SPATA16: variants seen among roughly 807,000 people sequenced by gnomAD.
SPATA16 encodes spermatogenesis associated 16, also known as spermatogenesis-associated protein 16.
Under a neutral mutation model 63.3 loss-of-function variants are expected in SPATA16, and 36 were observed. The observed-to-expected ratio is 0.57, with a 90% CI of 0.44 to 0.75. The LOEUF (loss-of-function observed/expected upper bound fraction) is 0.75, where lower values mean the gene tolerates loss of function less well. Ranked by LOEUF, SPATA16 falls within the 30% of genes least tolerant of loss-of-function variation. The pLI is 0.00. For synonymous variants in SPATA16, 203 were observed against 216.7 expected, an observed-to-expected ratio of 0.94 and a Z score of 0.56; for missense variants, 646 against 679.3, an observed-to-expected ratio of 0.95 and a Z score of 0.54.
intron 4 of SPATA16, among the ~76,000 whole-genome samples, chr3:172,989,044 CT>C (rs1344647548): frequency 6.6e-6 from 1 of 152,194 alleles, no homozygotes; most frequent in Non-Finnish European, 1.5e-5. Context: ...GCTTTCAGCA[CT>C]TTTCTAGACC....
At chr3:173,069,930 T>C (rs1736625432) in intron 2 of SPATA16, among the ~76,000 whole-genome samples, 1 of 149,998 alleles carries the variant, frequency 6.7e-6, no homozygotes, top group Non-Finnish European at 1.5e-5. Context: ...TTGATAAAAT[T>C]CAACATTCCC....
intron 4 of SPATA16, among the ~76,000 whole-genome samples, chr3:173,012,887 C>T (rs565435694): frequency 1.3e-5 from 2 of 152,192 alleles, no homozygotes; most frequent in South Asian, 4.2e-4. Flanking sequence ...GAGTTTATGG[C>T]AGTGTCCTCA....
At chr3:173,140,016 A>C (rs1738665831) in intron 1 of SPATA16, among the ~76,000 whole-genome samples, 1 of 151,628 alleles carries the variant, frequency 6.6e-6, no homozygotes, top group South Asian at 2.1e-4. Flanking sequence ...AAACAAACAA[A>C]CAAACTCCTG....
At chr3:173,004,226 G>T (rs1734889915) in intron 4 of SPATA16, among the ~76,000 whole-genome samples, 1 of 152,072 alleles carries the variant, frequency 6.6e-6, no homozygotes, top group Non-Finnish European at 1.5e-5. Flanking sequence ...CCTGATCTTT[G>T]TCAGTGTTAC....
intron 6 of SPATA16, among the ~76,000 whole-genome samples, chr3:172,952,035 C>G (rs1382696710): frequency 2.0e-5 from 3 of 152,076 alleles, no homozygotes; most frequent in Admixed American, 1.3e-4. Context: ...TGTATTTTAT[C>G]TCTTGGAGCA....
chr3:172,994,075 G>A (rs1360263886), intron 4 of SPATA16, among the ~76,000 whole-genome samples: 2 of 152,032 alleles, frequency 1.3e-5, no homozygotes, highest in Non-Finnish European at 2.9e-5. Context: ...TTTTATAAAG[G>A]TCTGGAATAA....
At position 172,916,451 on chromosome 3, in the gene SPATA16, C is replaced by T. The variant is rs772855583; in HGVS notation, c.1369G>A (p.Glu457Lys). 1 of 1,613,786 alleles carries T rather than the reference C, an allele frequency of 6.2e-7. No individual in the cohort carries two copies. The highest frequency in any genetic ancestry group is 1.7e-5 in the Admixed American group (1 of 60,006). The change falls in exon 9 of 11, where the codon GAG becomes AAG. Residue 457 changes from glutamate (E) to lysine (K), a missense_variant. Physicochemically the swap from Glu to Lys is moderately conservative, Grantham distance 56 (BLOSUM62 1). Transcript: ENST00000351008. ...GSFPASSGVM[E>K]KLQYASLLSQ... is the part of the protein sequence containing the mutation. ...AGGAGGCTGGCATATTGCAACTTCT[C>T]CATCACACCTGAGGATGCAGGAAAA...
At chr3:173,040,903 T>C (rs902827350) in intron 3 of SPATA16, among the ~76,000 whole-genome samples, 2 of 152,086 alleles carry the variant, frequency 1.3e-5, no homozygotes, top group African/African-American at 2.4e-5. Context: ...TATTTCTTAA[T>C]GTAGTCAACT....
chr3:173,049,177 TA>T, intron 2 of SPATA16, 83 bp from the exon 3 acceptor site: 1 of 1,449,796 alleles, frequency 6.9e-7, no homozygotes, highest in African/African-American at 1.4e-5. Context: ...GTGTATGTTT[TA>T]TTTATATATG....
intron 2 of SPATA16, among the ~76,000 whole-genome samples, chr3:173,065,803 T>C (rs908861971): frequency 1.3e-5 from 2 of 152,186 alleles, no homozygotes; most frequent in African/African-American, 4.8e-5. Context: ...AGATCAGCCC[T>C]GGGCCAGAGG....
At chr3:173,101,549 T>G (rs1313880576) in intron 2 of SPATA16, among the ~76,000 whole-genome samples, 1 of 152,144 alleles carries the variant, frequency 6.6e-6, no homozygotes, top group Non-Finnish European at 1.5e-5. Flanking sequence ...CTACCAGACT[T>G]CCAATTATTT....
chr3:173,032,064 TAAC>T (rs1444399365), intron 3 of SPATA16, among the ~76,000 whole-genome samples: 2 of 151,990 alleles, frequency 1.3e-5, no homozygotes, highest in Non-Finnish European at 2.9e-5. Flanking sequence ...TTCAGGGAAA[TAAC>T]AACAAGAAAT....
intron 6 of SPATA16, among the ~76,000 whole-genome samples, chr3:172,940,389 T>C (rs542031659): frequency 3.3e-5 from 5 of 152,254 alleles, no homozygotes; most frequent in Admixed American, 6.5e-5. Flanking sequence ...ATCCAGTTGG[T>C]TTTGGAGAAT....
chr3:172,892,179 C>T (rs1210443742), intron 10 of SPATA16, among the ~76,000 whole-genome samples: 1 of 152,076 alleles, frequency 6.6e-6, no homozygotes, highest in Non-Finnish European at 1.5e-5. Context: ...ATTCTTTTAC[C>T]ATTGTTTAGC....
In SPATA16 at chr3:173,062,593, A is replaced by G. The variant is rs563309859; in HGVS notation, c.613-13499T>C. 1.2e-4 allele frequency among the ~76,000 whole-genome samples: 19 copies of G among 152,302 alleles called. No individual in the cohort carries two copies. In the South Asian group the frequency reaches 2.9e-3, roughly 23 times the overall value. Reference sequence around the variant, plus strand: ...ATAAGACTGACTAACTTTTCAGACAATAAGTGTTAGAGCTATGATTGAAAT... The same window carrying G: ...ATAAGACTGACTAACTTTTCAGACAGTAAGTGTTAGAGCTATGATTGAAAT... On this transcript the variant is annotated intron_variant, in intron 2 of 10. Coordinates refer to ENST00000351008, the MANE Select transcript of SPATA16 (RefSeq NM_031955.6).
At chr3:173,100,955 AT>A (rs1200835012) in intron 2 of SPATA16, among the ~76,000 whole-genome samples, 2 of 152,188 alleles carry the variant, frequency 1.3e-5, no homozygotes, top group African/African-American at 4.8e-5. Flanking sequence ...TACAAAAGCA[AT>A]TTATCTTCAT....
intron 3 of SPATA16, among the ~76,000 whole-genome samples, chr3:173,026,659 G>A (rs1185566792): frequency 1.3e-5 from 2 of 151,796 alleles, no homozygotes; most frequent in East Asian, 1.9e-4. Context: ...AATTTTCCCG[G>A]CACTACTCAT....
chr3:173,101,783 C>G (rs1318889723), intron 2 of SPATA16, among the ~76,000 whole-genome samples: 1 of 152,088 alleles, frequency 6.6e-6, no homozygotes, highest in Admixed American at 6.6e-5. Context: ...TACTCCTGGA[C>G]CAAACCTCTA....
chr3:173,005,094 G>A (rs573005295), intron 4 of SPATA16, among the ~76,000 whole-genome samples: 45 of 152,160 alleles, frequency 3.0e-4, no homozygotes, highest in African/African-American at 9.4e-4. Context: ...AGGCTGAGGC[G>A]GGTGGATCAC....
Sources: gnomAD v4.1 joint callset for allele counts (sites outside exome capture counted in the v4.1 genomes callset) on GRCh38, gnomAD v4.1.1 for gene constraint, MANE v1.5 for transcripts, NCBI Gene and HGNC (gene_info 2026-07-23, HGNC 2026-07-21) for gene names.